Variants in PTPN14 observed in about 807,000 individuals in gnomAD.
The protein encoded by PTPN14 is protein tyrosine phosphatase non-receptor type 14.
Under a neutral mutation model 126.8 loss-of-function variants are expected in PTPN14, and 53 were observed. The observed-to-expected ratio is 0.42, with a 90% CI of 0.34 to 0.53. The LOEUF is 0.53. Ranked by LOEUF, PTPN14 falls within the 20% of genes least tolerant of loss-of-function variation. The pLI, the probability that PTPN14 is intolerant of heterozygous loss-of-function variation, is 0.08. For synonymous variants in PTPN14, 630 were observed against 599.3 expected (o/e 1.05, Z -0.75); for missense variants, 1,257 against 1,552.9 (o/e 0.81, Z 3.20).
intron 5 of PTPN14, among the ~76,000 whole-genome samples, chr1:214,408,512 CT>C (rs1467350088): frequency 6.6e-6 from 1 of 152,186 alleles, no homozygotes; most frequent in Non-Finnish European, 1.5e-5. Context: ...GCATTTTACT[CT>C]ATTGATTCAT....
At chr1:214,551,032 C>A (rs1466302914) in intron 1 of PTPN14, among the ~76,000 whole-genome samples, 151 bp downstream of exon 1, 1 of 152,230 alleles carries the variant, frequency 6.6e-6, no homozygotes, top group African/African-American at 2.4e-5. Context: ...GCGGCCCGGC[C>A]ACCCCGCGCC....
At chr1:214,387,505 C>T (rs1053607444) in intron 11 of PTPN14, among the ~76,000 whole-genome samples, 2 of 151,796 alleles carry the variant, frequency 1.3e-5, no homozygotes, top group South Asian at 2.1e-4. Flanking sequence ...ATTGAGACTT[C>T]GTCTCCAAGA....
At chr1:214,473,163 T>TA (rs1334381367) in intron 1 of PTPN14, among the ~76,000 whole-genome samples, 1 of 152,168 alleles carries the variant, frequency 6.6e-6, no homozygotes, top group Non-Finnish European at 1.5e-5. Flanking sequence ...ATTTCAAAGT[T>TA]AAAAACACAA....
chr1:214,499,456 C>T (rs1654625176), intron 1 of PTPN14, among the ~76,000 whole-genome samples: 1 of 152,144 alleles, frequency 6.6e-6, no homozygotes, highest in Admixed American at 6.5e-5. Flanking sequence ...CTATTGGCCT[C>T]TGGAAGGTGG....
intron 15 of PTPN14, among the ~76,000 whole-genome samples, 177 bp downstream of exon 15, chr1:214,376,042 A>G (rs1281198170): frequency 1.3e-5 from 2 of 152,160 alleles, no homozygotes; most frequent in Non-Finnish European, 1.5e-5. Flanking sequence ...TTCTCTCTGC[A>G]GTGATAGACA....
At chr1:214,444,616 A>G (rs1374796808) in intron 3 of PTPN14, among the ~76,000 whole-genome samples, 2 of 152,240 alleles carry the variant, frequency 1.3e-5, no homozygotes, top group Non-Finnish European at 2.9e-5. Context: ...AACAGCACAC[A>G]AGGCAGATTG....
At chr1:214,359,681 G>A (rs1007606955) in intron 18 of PTPN14, among the ~76,000 whole-genome samples, 9 of 151,596 alleles carry the variant, frequency 5.9e-5, no homozygotes, top group African/African-American at 9.7e-5. Context: ...CACCACACCC[G>A]GCTAACTTTT....
intron 3 of PTPN14, among the ~76,000 whole-genome samples, chr1:214,423,806 C>T (rs1431718206): frequency 6.6e-6 from 1 of 151,678 alleles, no homozygotes; most frequent in African/African-American, 2.4e-5. Flanking sequence ...CATGGTGAAA[C>T]CACGTCTCTA....
At chr1:214,472,307 G>A (rs1660776968) in intron 1 of PTPN14, among the ~76,000 whole-genome samples, 2 of 151,710 alleles carry the variant, frequency 1.3e-5, no homozygotes, top group Non-Finnish European at 2.9e-5. Context: ...GACCCCGCTC[G>A]CTCTCTTGCC....
intron 1 of PTPN14, among the ~76,000 whole-genome samples, chr1:214,550,414 G>A (rs1206562217): frequency 6.6e-6 from 1 of 152,168 alleles, no homozygotes; most frequent in East Asian, 1.9e-4. Context: ...GAAGGTTGGA[G>A]AACAAGAACC....
At chr1:214,486,307 CA>C (rs1195092624) in intron 1 of PTPN14, among the ~76,000 whole-genome samples, 2 of 152,140 alleles carry the variant, frequency 1.3e-5, no homozygotes, top group African/African-American at 4.8e-5. Flanking sequence ...AACAGTAAAT[CA>C]AACTTTACAG....
chr1:214,389,487 A>T lies in PTPN14; in HGVS notation c.987+1501T>A, dbSNP rs80321072. 6.7e-3 allele frequency among the ~76,000 whole-genome samples: 1,027 copies of T among 152,348 alleles called. 10 individuals are homozygous for T. The highest frequency in any genetic ancestry group is 0.023 in the African/African-American group (974 of 41,564). On this transcript the variant is annotated intron_variant, in intron 11 of 18. Coordinates refer to ENST00000366956, the MANE Select transcript of PTPN14 (RefSeq NM_005401.5). ...GGGCAGGTGAAAAACAGCAATGAGA[A>T]GTCCTGGTTATCAGCAAGGAAGCCA...
rs188501921 is a variant in PTPN14 at position 214,497,700 on chromosome 1, T to A, written c.-154-32743A>T. On this transcript the variant is annotated intron_variant, in intron 1 of 18. Coordinates refer to ENST00000366956, the MANE Select transcript of PTPN14 (RefSeq NM_005401.5). ...AGGCAGCTTACCATATATTACCGAGTGGCAAAAGCAAATGCAGCATTATGC... is the reference window on the plus strand; with the variant it reads ...AGGCAGCTTACCATATATTACCGAGAGGCAAAAGCAAATGCAGCATTATGC... Among the ~76,000 whole-genome samples, 184 of 152,278 alleles carry A rather than the reference T, an allele frequency of 1.2e-3. 2 individuals are homozygous for A. Among genetic ancestry groups the A allele is most frequent in the African/African-American group, 4.3e-3 (180 of 41,552 alleles).
At chr1:214,483,634 A>C (rs1334334184) in intron 1 of PTPN14, among the ~76,000 whole-genome samples, 1 of 152,220 alleles carries the variant, frequency 6.6e-6, no homozygotes, top group East Asian at 1.9e-4. Context: ...TAAAAGGGCA[A>C]CTGGGTGCCA....
intron 10 of PTPN14, among the ~76,000 whole-genome samples, chr1:214,391,416 TA>T (rs1012461956): frequency 4.0e-5 from 6 of 151,696 alleles, no homozygotes; most frequent in Admixed American, 1.3e-4. Context: ...TCACAGTTTT[TA>T]AAAAAAATGC....
At position 214,383,897 on chromosome 1, in the gene PTPN14, A is replaced by G. The variant is rs753618746; in HGVS notation, c.1958T>C (p.Met653Thr). The G allele has an allele frequency of 2.5e-6, 4 of 1,613,318 alleles. No individual in the cohort carries two copies. The highest frequency in any genetic ancestry group is 3.3e-5 in the Admixed American group (2 of 60,026). ...GAGCGACTTGAGCGTCATGGCCTCC[A>G]TGCCCCGCACCATGCTGTTCATCAC... is the stretch of plus-strand genomic sequence containing the variant. Reference protein sequence around the residue: ...LEVMNSMVRGMEAMTLKSLHL... With the variant: ...LEVMNSMVRGTEAMTLKSLHL... Residue 653 changes from methionine to threonine, a missense_variant, in exon 13 of 19, where the codon ATG (methionine) becomes ACG (threonine). Met to Thr is a moderately conservative substitution (Grantham distance 81, BLOSUM62 -1). Around this residue, in one of 3 missense-constraint regions of PTPN14, gnomAD observed 1,021 missense variants for 1,183.3 expected, o/e 0.86. Transcript: ENST00000366956. This position sits in a 1 kb window ranked among gnomAD's most constrained non-coding sequence, Gnocchi z 4.4.
intron 18 of PTPN14, among the ~76,000 whole-genome samples, chr1:214,361,421 A>C (rs909305446): frequency 1.2e-4 from 18 of 152,172 alleles, no homozygotes; most frequent in African/African-American, 4.8e-5. Context: ...TGATATGTTC[A>C]AGTCTGGGGA....
intron 1 of PTPN14, among the ~76,000 whole-genome samples, chr1:214,488,130 C>T (rs1042353078): frequency 4.6e-5 from 7 of 152,194 alleles, no homozygotes; most frequent in Non-Finnish European, 8.8e-5. Flanking sequence ...ACCTTTTAAA[C>T]ATTAAGAGCG....
Position 214,551,519 on chromosome 1 carries a change from AGGCG to A in PTPN14, c.-495_-492del, listed in dbSNP as rs1656113602. 1 of 152,370 alleles carries A rather than the reference AGGCG, an allele frequency of 6.6e-6. No individual in the cohort carries two copies. Among genetic ancestry groups the A allele is most frequent in the Non-Finnish European group, 1.5e-5 (1 of 68,164 alleles). The allele number at this position is 152,370 out of a possible 1,614,324, so 9.4% of individuals were successfully genotyped here. ...CCCCGAGGACCTGAGCCAGGAGAGC[AGGCG>A]GCTGAGCCCGGAGAAGCACAGCAAC... On this transcript the variant is annotated 5_prime_UTR_variant, in exon 1 of 19. Transcript: ENST00000366956.
Sources: allele counts gnomAD v4.1 joint callset (sites outside exome capture counted in the v4.1 genomes callset), GRCh38; gene constraint gnomAD v4.1.1; regional missense constraint gnomAD v4.1.1; non-coding constraint Gnocchi (gnomAD v3.1); transcripts MANE v1.5; gene names NCBI Gene and HGNC (gene_info 2026-07-23, HGNC 2026-07-21).